Variants in ZNF106 observed in about 807,000 individuals in gnomAD.
ZNF106 encodes the protein zinc finger protein 106, also known as SH3-domain binding protein 3.
Under a neutral mutation model 195.1 loss-of-function variants are expected in ZNF106, and 67 were observed. That is an observed-to-expected ratio of 0.34 (90% CI 0.28 to 0.42). The LOEUF is 0.42. Ranked by LOEUF, ZNF106 falls within the 10% of genes least tolerant of loss-of-function variation. The probability of loss-of-function intolerance (pLI) is 1.00; values close to 1 mark genes in which losing one functional copy is unlikely to be tolerated. For synonymous variants in ZNF106, 784 were observed against 818.6 expected (o/e 0.96, Z 0.72); for missense variants, 2,118 against 2,304.5 (o/e 0.92, Z 1.66).
chr15:42,472,267 A>G lies in ZNF106; in HGVS notation c.23T>C (p.Ile8Thr). Residue 8 changes from isoleucine (I) to threonine (T), a missense_variant, in exon 2 of 22, where the codon ATA becomes ACA. Physicochemically the swap from Ile to Thr is moderately conservative, Grantham distance 89. Coordinates refer to ENST00000564754, the MANE Select transcript of ZNF106 (RefSeq NM_001366845.3). ...TGAGCTGTACACGATGTGGCATAAT[A>G]TGCATTTTCGTTCTCGTACCATAGT... The part of the protein sequence containing the change: MVRERKC[I>T]LCHIVYSSKK... 1 of 1,535,940 alleles carries G rather than the reference A, an allele frequency of 6.5e-7. No homozygotes were observed. Among genetic ancestry groups the G allele is most frequent in the Non-Finnish European group, 8.7e-7 (1 of 1,146,812 alleles).
At chr15:42,434,618 T>C (rs1261562696) in intron 14 of ZNF106, among the ~76,000 whole-genome samples, 1 of 152,222 alleles carries the variant, frequency 6.6e-6, no homozygotes. Context: ...CTGCTTCACA[T>C]ACCTCCATCT....
chr15:42,459,870 C>A (rs2056346419), intron 3 of ZNF106, among the ~76,000 whole-genome samples: 2 of 151,634 alleles, frequency 1.3e-5, no homozygotes, highest in Non-Finnish European at 2.9e-5. Flanking sequence ...GAAACCCCAT[C>A]TCTACTAAAA....
rs371746195 is a variant in ZNF106, at chr15:42,446,583, C to T, written c.3205+6G>A. ...CTTCTTTCTTCCAAAATATTCTGCA[C>T]CATACCTTTTTTTCCTTTAATTTTC... On this transcript the variant is annotated splice_donor_region_variant and intron_variant, in intron 7 of 21. Transcript: ENST00000564754. The T allele has an allele frequency of 8.2e-6, 13 of 1,586,408 alleles. No individual in the cohort carries two copies. The African/African-American group carries it at 1.2e-4, about 15-fold the overall frequency.
At position 42,424,882 on chromosome 15, in the gene ZNF106, C is replaced by T; in HGVS notation, c.5142G>A (p.Leu1714=). 1 of 1,614,164 alleles carries T rather than the reference C, an allele frequency of 6.2e-7. No individual in the cohort carries two copies. Among genetic ancestry groups the T allele is most frequent in the South Asian group, 1.1e-5 (1 of 91,086 alleles). The stretch of plus-strand genomic sequence containing the variant: ...TATGGCCCTCCAGAGTTCTGAGGAG[C>T]AGTCCATTCCGGGCATCGCGTACAC... The part of the protein sequence containing the change: ...TISVRDARNG[L]LLRTLEGHSK... The change falls in exon 16 of 22, where the codon CTG becomes CTA. Residue 1714 remains leucine (L), a synonymous_variant. Transcript: ENST00000564754.
intron 9 of ZNF106, among the ~76,000 whole-genome samples, chr15:42,443,244 C>A (rs2141332886): frequency 6.6e-6 from 1 of 152,190 alleles, no homozygotes; most frequent in Non-Finnish European, 1.5e-5. Context: ...AGATTTGAAC[C>A]CAGGCCTTTT....
At chr15:42,462,837 G>A (rs963784213) in intron 3 of ZNF106, among the ~76,000 whole-genome samples, 2 of 152,216 alleles carry the variant, frequency 1.3e-5, no homozygotes, top group Non-Finnish European at 2.9e-5. Context: ...AGGCTGGAGT[G>A]CAGTGGCACA....
chr15:42,438,472 T>C (rs2055369850), intron 12 of ZNF106, 140 bp downstream of exon 12: 5 of 708,606 alleles, frequency 7.1e-6, no homozygotes, highest in Non-Finnish European at 1.2e-5. Context: ...GAACTGTTGA[T>C]CAAGGCAATC....
At chr15:42,461,452 GATAC>G in intron 3 of ZNF106, among the ~76,000 whole-genome samples, 1 of 152,332 alleles carries the variant, frequency 6.6e-6, no homozygotes, top group East Asian at 1.9e-4. Flanking sequence ...AAAGTCTTAA[GATAC>G]TCTCTCCATA....
chr15:42,482,088 T>C (rs2056910428), intron 1 of ZNF106, among the ~76,000 whole-genome samples: 1 of 152,186 alleles, frequency 6.6e-6, no homozygotes, highest in African/African-American at 2.4e-5. Context: ...CATTCTTCCA[T>C]TAAGCCCCAT....
intron 1 of ZNF106, among the ~76,000 whole-genome samples, chr15:42,484,700 T>C (rs1054796827): frequency 1.3e-5 from 2 of 152,024 alleles, no homozygotes; most frequent in South Asian, 2.1e-4. Flanking sequence ...ATCATGCCAC[T>C]GTACTCCAGC....
At chr15:42,462,471 G>A (rs1253637630) in intron 3 of ZNF106, among the ~76,000 whole-genome samples, 1 of 152,094 alleles carries the variant, frequency 6.6e-6, no homozygotes, top group Non-Finnish European at 1.5e-5. Context: ...GGTTGCGCGT[G>A]CCTGTAATCC....
intron 1 of ZNF106, among the ~76,000 whole-genome samples, chr15:42,487,394 G>A (rs980330600): frequency 1.3e-5 from 2 of 149,660 alleles, no homozygotes; most frequent in Admixed American, 1.3e-4. Context: ...AGGCTGAGGT[G>A]GGAAGAGGAT....
Position 42,451,154 on chromosome 15 carries a change from G to T in ZNF106, c.1118C>A (p.Thr373Lys). ...CAGAGTCTTCTGAGAAGGGTAAGGC[G>T]TCCAGCGACGAGGCTTTTCCCTTGC... ...SAAREKPRRW[T>K]PYPSQKTLDL... The change falls in exon 5 of 22, where the codon ACG (threonine) becomes AAG (lysine). Residue 373 changes from threonine to lysine, a missense_variant. By Grantham distance (78) the Thr-to-Lys change is moderately conservative. Coordinates refer to ENST00000564754, the MANE Select transcript of ZNF106 (RefSeq NM_001366845.3). 1 of 1,614,136 alleles carries T rather than the reference G, an allele frequency of 6.2e-7. No individual in the cohort carries two copies. Among genetic ancestry groups the T allele is most frequent in the Non-Finnish European group, 8.5e-7 (1 of 1,180,032 alleles).
At position 42,467,472 on chromosome 15, in the gene ZNF106, C is replaced by T. The variant is rs535494193; in HGVS notation, c.55-1358G>A. ...TTCTTATTATATGCCAAGAATAGAG[C>T]TAGGCATTGAAGGTTAAGCGTGAAA... On this transcript the variant is annotated intron_variant, in intron 2 of 21. Coordinates refer to ENST00000564754, the MANE Select transcript of ZNF106 (RefSeq NM_001366845.3). 8.5e-5 allele frequency among the ~76,000 whole-genome samples: 13 copies of T among 152,190 alleles called. No individual in the cohort carries two copies. The South Asian group carries it at 2.3e-3, about 27-fold the overall frequency.
In ZNF106 at chr15:42,451,601, C is replaced by T; in HGVS notation, c.671G>A (p.Arg224Lys). The change falls in exon 5 of 22, where the codon AGG becomes AAG. Residue 224 changes from arginine (R) to lysine (K), a missense_variant. By Grantham distance (26) the Arg-to-Lys change is conservative (BLOSUM62 2). Coordinates refer to ENST00000564754, the MANE Select transcript of ZNF106 (RefSeq NM_001366845.3). ...AVDWNHNGTG[R>K]NSSWLSEGTG... ...TCCTTCAGAAAGCCAACTGGAATTC[C>T]TTCCTGTACCATTATGATTCCAATC... is the stretch of plus-strand genomic sequence containing the variant. The T allele has an allele frequency of 1.9e-6, 3 of 1,614,128 alleles. No individual in the cohort carries two copies. The highest frequency in any genetic ancestry group is 2.5e-6 in the Non-Finnish European group (3 of 1,180,028).
intron 1 of ZNF106, among the ~76,000 whole-genome samples, chr15:42,482,320 G>T (rs2056915567): frequency 6.6e-6 from 1 of 151,906 alleles, no homozygotes; most frequent in Non-Finnish European, 1.5e-5. Context: ...TTGAGAATAG[G>T]TTACATTTTC....
intron 3 of ZNF106, among the ~76,000 whole-genome samples, chr15:42,459,566 G>A (rs2056336492): frequency 6.6e-6 from 1 of 152,210 alleles, no homozygotes; most frequent in Admixed American, 6.5e-5. Flanking sequence ...CAATTAAATT[G>A]ATGGTAGCTC....
intron 1 of ZNF106, among the ~76,000 whole-genome samples, chr15:42,475,916 T>C (rs1232480684): frequency 6.6e-6 from 1 of 152,100 alleles, no homozygotes; most frequent in Non-Finnish European, 1.5e-5. Context: ...CTGTGGAGTT[T>C]TTATATATTT....
chr15:42,456,996 T>C lies in ZNF106; in HGVS notation c.279A>G (p.Glu93=), dbSNP rs775118262. ...TCCTTTGTTTTATTAACTGAATGAGTTCCTTGTCAAAATAATCTTCTTCCT... is the reference window on the plus strand; with the variant it reads ...TCCTTTGTTTTATTAACTGAATGAGCTCCTTGTCAAAATAATCTTCTTCCT... ...EEEEEDYFDK[E]LIQLIKQRKE... Residue 93 remains glutamate, a synonymous_variant, in exon 4 of 22, where the codon GAA becomes GAG. Coordinates refer to ENST00000564754, the MANE Select transcript of ZNF106 (RefSeq NM_001366845.3). The C allele has an allele frequency of 6.2e-7, 1 of 1,612,076 alleles. No homozygotes were observed. Among genetic ancestry groups the C allele is most frequent in the Middle Eastern group, 1.6e-4 (1 of 6,080 alleles).
Sources: gnomAD v4.1 joint callset for allele counts (sites outside exome capture counted in the v4.1 genomes callset) on GRCh38, gnomAD v4.1.1 for gene constraint, MANE v1.5 for transcripts, NCBI Gene and HGNC (gene_info 2026-07-23, HGNC 2026-07-21) for gene names.